Variants in ATP13A4 observed in about 807,000 individuals in gnomAD.
The protein encoded by ATP13A4 is ATPase 13A4.
In ATP13A4, 114 loss-of-function variants were observed where a neutral mutation model predicts 142.5. The ratio of observed to expected loss-of-function variants is 0.80; its 90% CI spans 0.69 to 0.93. The LOEUF (loss-of-function observed/expected upper bound fraction) is 0.93, where lower values mean the gene tolerates loss of function less well. Among genes scored for constraint, ATP13A4 ranks in the 40% least tolerant of loss-of-function variants. ATP13A4 has a pLI of 0.00. For missense variants in ATP13A4, 1,392 were observed against 1,454.0 expected (o/e 0.96, Z 0.69); for synonymous variants, 488 against 514.8 (o/e 0.95, Z 0.70).
intron 25 of ATP13A4, among the ~76,000 whole-genome samples, chr3:193,420,157 C>G (rs1278047892): frequency 6.7e-6 from 1 of 149,830 alleles, no homozygotes; most frequent in East Asian, 2.1e-4. Context: ...TGCTATAACC[C>G]AGCACTACTG....
At chr3:193,459,379 G>A in intron 13 of ATP13A4, 148 bp from the exon 14 acceptor site, 1 of 1,035,682 alleles carries the variant, frequency 9.7e-7, no homozygotes, top group East Asian at 2.6e-5. Context: ...CATTAATAGT[G>A]CTTCATTCAG....
At chr3:193,466,360 G>A (rs1718286919) in intron 10 of ATP13A4, among the ~76,000 whole-genome samples, 178 bp from the exon 11 acceptor site, 1 of 152,190 alleles carries the variant, frequency 6.6e-6, no homozygotes. Context: ...CTCTATCTCA[G>A]AGCCCAGTAC....
At chr3:193,406,135 G>A (rs1195035637) in intron 29 of ATP13A4, among the ~76,000 whole-genome samples, 1 of 152,172 alleles carries the variant, frequency 6.6e-6, no homozygotes, top group East Asian at 1.9e-4. Flanking sequence ...CACACTGCGG[G>A]TAGGGCTGGG....
At chr3:193,583,397 C>T (rs1724610068) in intron 1 of ATP13A4, among the ~76,000 whole-genome samples, 1 of 147,562 alleles carries the variant, frequency 6.8e-6, no homozygotes, top group African/African-American at 2.6e-5. Context: ...CATGCCACTG[C>T]ACTCCAGCCT....
intron 2 of ATP13A4, among the ~76,000 whole-genome samples, chr3:193,504,022 A>T (rs11709929): frequency 0.058 from 2,742 of 47,590 alleles, 17 homozygotes; most frequent in African/African-American, 0.095. Flanking sequence ...TGTGTGTGTG[A>T]GAGAGAGAGA....
rs1722278936 is a variant in ATP13A4, at chr3:193,530,935, T to G, written c.61-16064A>C. 3.3e-5 allele frequency among the ~76,000 whole-genome samples: 5 copies of G among 152,274 alleles called. No individual in the cohort carries two copies. The South Asian group carries it at 1.0e-3, about 32-fold the overall frequency. ...CCCCACCACACGCTCATATACACCCTGCACTCCAGCTTTGCCAAGGTACAT... is the reference window on the plus strand; with the variant it reads ...CCCCACCACACGCTCATATACACCCGGCACTCCAGCTTTGCCAAGGTACAT... On this transcript the variant is annotated intron_variant, in intron 1 of 29. Coordinates refer to ENST00000342695, the MANE Select transcript of ATP13A4 (RefSeq NM_032279.4).
At position 193,512,343 on chromosome 3, in the gene ATP13A4, T is replaced by A. The variant is rs1227284008; in HGVS notation, c.234+2355A>T. Among the ~76,000 whole-genome samples, 3 of 152,150 alleles carry A rather than the reference T, an allele frequency of 2.0e-5. No individual in the cohort carries two copies. The East Asian group carries it at 5.8e-4, about 29-fold the overall frequency. On this transcript the variant is annotated intron_variant, in intron 2 of 29. Coordinates refer to ENST00000342695, the MANE Select transcript of ATP13A4 (RefSeq NM_032279.4). ...TCTGAGCCCCAGAAAGCAAATTTTA[T>A]CCCTGTCCTAGAAAGGCACTCAGGC...
Position 193,457,004 on chromosome 3 carries a change from C to T in ATP13A4, c.1911G>A (p.Glu637=). The T allele has an allele frequency of 6.2e-7, 1 of 1,612,670 alleles. No homozygotes were observed. The highest frequency in any genetic ancestry group is 8.5e-7 in the Non-Finnish European group (1 of 1,179,384). Reference sequence around the variant, plus strand: ...AATCCAAGTCAAGTTACAGACCTGTCTCAGGTTGGCAAAAGCTGGCCACCC... The same window carrying T: ...AATCCAAGTCAAGTTACAGACCTGTTTCAGGTTGGCAAAAGCTGGCCACCC... ...PERVASFCQP[E]TVPTSFVSEL... The change falls in exon 16 of 30, where the codon GAG becomes GAA. Residue 637 remains glutamate, a synonymous_variant. Coordinates refer to ENST00000342695, the MANE Select transcript of ATP13A4 (RefSeq NM_032279.4).
chr3:193,541,041 A>C (rs1247820539), intron 1 of ATP13A4, among the ~76,000 whole-genome samples: 1 of 152,070 alleles, frequency 6.6e-6, no homozygotes, highest in Non-Finnish European at 1.5e-5. Context: ...CGAGGTCAGG[A>C]GATCGAGAGC....
At chr3:193,549,635 G>C (rs1331434899) in intron 1 of ATP13A4, among the ~76,000 whole-genome samples, 1 of 152,104 alleles carries the variant, frequency 6.6e-6, no homozygotes, top group East Asian at 1.9e-4. Context: ...TTTCAGACCA[G>C]CCTGGGCAAC....
rs142846906 is a variant in ATP13A4, at chr3:193,410,467, C to T, written c.3297+515G>A. On this transcript the variant is annotated intron_variant, in intron 28 of 29. Transcript: ENST00000342695. ...GTGGCTTAAGCCTGTAAGCCTAGCG[C>T]GTTGGGAGGCCAAGGCAGGAGGCTA... Among the ~76,000 whole-genome samples, 323 of 152,248 alleles carry T rather than the reference C, an allele frequency of 2.1e-3. 2 individuals carry two copies. Among genetic ancestry groups the T allele is most frequent in the African/African-American group, 6.8e-3 (284 of 41,556 alleles).
chr3:193,444,308 T>G (rs901367784), intron 18 of ATP13A4, among the ~76,000 whole-genome samples: 1 of 152,194 alleles, frequency 6.6e-6, no homozygotes, highest in Admixed American at 6.5e-5. Flanking sequence ...CACTTTGAAG[T>G]GTCAACTCTG....
intron 28 of ATP13A4, 110 bp from the exon 29 acceptor site, chr3:193,407,503 T>C: frequency 2.7e-6 from 2 of 735,830 alleles, no homozygotes; most frequent in South Asian, 1.5e-5. Flanking sequence ...ATATGTAATA[T>C]ATATGTGTGT....
At chr3:193,584,936 G>T (rs1396868222) in intron 1 of ATP13A4, among the ~76,000 whole-genome samples, 1 of 152,116 alleles carries the variant, frequency 6.6e-6, no homozygotes, top group Non-Finnish European at 1.5e-5. Flanking sequence ...ATGTTCCCAT[G>T]TTTCTAGAAA....
intron 8 of ATP13A4, among the ~76,000 whole-genome samples, chr3:193,479,512 T>A (rs1719167909): frequency 6.6e-6 from 1 of 152,102 alleles, no homozygotes; most frequent in Non-Finnish European, 1.5e-5. Flanking sequence ...CGCAACCTCT[T>A]TTCTAATAGC....
chr3:193,438,208 C>T (rs903008593), intron 23 of ATP13A4, among the ~76,000 whole-genome samples: 2 of 152,162 alleles, frequency 1.3e-5, no homozygotes, highest in African/African-American at 4.8e-5. Context: ...GGATGATTGA[C>T]ACTTTCAAAG....
chr3:193,436,466 T>C (rs1211229036), intron 23 of ATP13A4, among the ~76,000 whole-genome samples: 1 of 152,056 alleles, frequency 6.6e-6, no homozygotes, highest in East Asian at 1.9e-4. Flanking sequence ...ACTTTTTTTT[T>C]TGTCAGAATC....
chr3:193,563,603 A>G (rs534387480), intron 2 of ATP13A4, among the ~76,000 whole-genome samples: 1 of 152,318 alleles, frequency 6.6e-6, no homozygotes, highest in Non-Finnish European at 1.5e-5. Flanking sequence ...GGCTGCAGTC[A>G]GCTGTGATTG....
chr3:193,466,296 C>G, intron 10 of ATP13A4, 114 bp from the exon 11 acceptor site: 1 of 1,303,736 alleles, frequency 7.7e-7, no homozygotes, highest in South Asian at 1.2e-5. Context: ...AGTGTTTAAG[C>G]TCAAAGGCAA....
Sources: gnomAD v4.1 joint callset for allele counts (sites outside exome capture counted in the v4.1 genomes callset) on GRCh38, gnomAD v4.1.1 for gene constraint, MANE v1.5 for transcripts, NCBI Gene and HGNC (gene_info 2026-07-23, HGNC 2026-07-21) for gene names.